The following ANKRD26 variants were observed in gnomAD, a reference collection of about 807,000 sequenced individuals.
ANKRD26 encodes the protein ankyrin repeat domain-containing protein 26.
In ANKRD26, 141 loss-of-function variants were observed where a neutral mutation model predicts 208.7. The ratio of observed to expected loss-of-function variants is 0.68; its 90% CI spans 0.59 to 0.78. ANKRD26 has a LOEUF of 0.78. Ranked by LOEUF, ANKRD26 falls within the 30% of genes least tolerant of loss-of-function variation. The pLI, the probability that ANKRD26 is intolerant of heterozygous loss-of-function variation, is 0.00. For synonymous variants in ANKRD26, 636 were observed against 660.4 expected (o/e 0.96, Z 0.57); for missense variants, 1,889 against 1,938.7 (o/e 0.97, Z 0.48).
chr10:27,011,901 C>G (rs773967650), intron 32 of ANKRD26, among the ~76,000 whole-genome samples: 4 of 152,176 alleles, frequency 2.6e-5, no homozygotes, highest in Non-Finnish European at 5.9e-5. Context: ...CTTGCTTTAA[C>G]TATTTAAAAA....
At chr10:27,029,424 T>C in intron 25 of ANKRD26, 68 bp from the exon 26 acceptor site, 1 of 1,466,380 alleles carries the variant, frequency 6.8e-7, no homozygotes, top group Non-Finnish European at 9.4e-7. Flanking sequence ...TTACCTGTTT[T>C]TGTAACTAAA....
the ANKRD26 span, among the ~76,000 whole-genome samples, chr10:26,965,778 T>C: frequency 6.6e-6 from 1 of 152,090 alleles, no homozygotes; most frequent in Non-Finnish European, 1.5e-5. Flanking sequence ...CTTAAACATA[T>C]TTACAAGGAA....
intron 9 of ANKRD26, among the ~76,000 whole-genome samples, chr10:27,072,849 T>C (rs56756357): frequency 6.6e-6 from 1 of 150,854 alleles, no homozygotes; most frequent in East Asian, 1.9e-4. Context: ...ACACAAAGGC[T>C]ATTTGTAATG....
At chr10:27,024,584 A>G in intron 27 of ANKRD26, 25 bp from the exon 28 acceptor site, 1 of 1,286,422 alleles carries the variant, frequency 7.8e-7, no homozygotes, top group Non-Finnish European at 1.1e-6. Flanking sequence ...ATTTTCAATT[A>G]CTTTTAAAAC....
chr10:27,038,101 A>G, intron 21 of ANKRD26, 47 bp from the exon 22 acceptor site: 1 of 1,522,998 alleles, frequency 6.6e-7, no homozygotes, highest in Non-Finnish European at 9.0e-7. Context: ...TTACAAAATA[A>G]AAAGTTCATT....
chr10:27,025,334 TAA>T (rs1490085588), intron 27 of ANKRD26, among the ~76,000 whole-genome samples: 13 of 152,012 alleles, frequency 8.6e-5, no homozygotes. Context: ...CCACATCGGC[TAA>T]TTTATTTCAT....
the ANKRD26 span, among the ~76,000 whole-genome samples, chr10:26,950,857 C>T: frequency 6.6e-6 from 1 of 152,068 alleles, no homozygotes; most frequent in Non-Finnish European, 1.5e-5. Context: ...AAATATAGAG[C>T]TTCAGTCTGA....
chr10:26,952,975 A>G, the ANKRD26 span, among the ~76,000 whole-genome samples: 3 of 152,230 alleles, frequency 2.0e-5, no homozygotes, highest in Non-Finnish European at 4.4e-5. Flanking sequence ...TGTAACTGAA[A>G]GTGACCAAGG....
chr10:27,071,293 G>A (rs1366273892), intron 9 of ANKRD26, among the ~76,000 whole-genome samples: 6 of 149,854 alleles, frequency 4.0e-5, no homozygotes, highest in African/African-American at 1.5e-4. Context: ...AGCCTCCCGA[G>A]GAGCTGGGAC....
At chr10:27,061,995 G>C (rs1161586612) in intron 12 of ANKRD26, 1 of 985,126 alleles carries the variant, frequency 1.0e-6, no homozygotes, top group African/African-American at 1.7e-5. Flanking sequence ...GTCTGTTTGA[G>C]TGTAAATGCA....
At chr10:27,027,507 C>G (rs1192420245) in intron 27 of ANKRD26, among the ~76,000 whole-genome samples, 1 of 152,062 alleles carries the variant, frequency 6.6e-6, no homozygotes, top group Admixed American at 6.6e-5. Context: ...AGAAATAATC[C>G]GAACGTCCAT....
intron 32 of ANKRD26, among the ~76,000 whole-genome samples, chr10:27,009,971 CAGT>C (rs1210751072): frequency 7.2e-5 from 11 of 152,056 alleles, no homozygotes; most frequent in Admixed American, 5.2e-4. Context: ...CTTTCATAAC[CAGT>C]AGTTTTCAAA....
chr10:26,954,926 C>T, the ANKRD26 span, among the ~76,000 whole-genome samples: 1 of 149,410 alleles, frequency 6.7e-6, no homozygotes, highest in Non-Finnish European at 1.5e-5. Flanking sequence ...CTATCAAATG[C>T]GGGATCTATA....
intron 22 of ANKRD26, 112 bp downstream of exon 22, chr10:27,037,759 T>G: frequency 1.6e-4 from 142 of 868,594 alleles, no homozygotes; most frequent in Middle Eastern, 6.9e-4. Context: ...CAGGTCAGCT[T>G]GAGATAACAG....
rs1157302018 is a variant in ANKRD26 at position 27,017,503 on chromosome 10, T to A, written c.4505A>T (p.Gln1502Leu). Residue 1502 changes from glutamine (Q) to leucine (L), a missense_variant and splice_region_variant, in exon 30 of 34, where the codon CAG (glutamine) becomes CTG (leucine). Around this residue, in one of 3 missense-constraint regions of ANKRD26, gnomAD observed 613 missense variants for 648.2 expected, o/e 0.95. Coordinates refer to ENST00000376087, the MANE Select transcript of ANKRD26 (RefSeq NM_014915.3). ...EKLKEVNLFL[Q>L]AQAASQENLE... ...AAGGCACACTACACATAAGCTAACC[T>A]GTAAAAATAGATTGACTTCTTTTAA... 1.2e-6 allele frequency: 2 copies of A among 1,613,290 alleles called. No homozygotes were observed. The highest frequency in any genetic ancestry group is 1.3e-5 in the African/African-American group (1 of 75,044).
At chr10:27,010,178 C>T (rs2053046678) in intron 32 of ANKRD26, among the ~76,000 whole-genome samples, 1 of 152,168 alleles carries the variant, frequency 6.6e-6, no homozygotes, top group East Asian at 1.9e-4. Flanking sequence ...ATGAAAGTCA[C>T]TTGACCTGAC....
At chr10:27,063,945 C>T in intron 12 of ANKRD26, 43 bp downstream of exon 12, 1 of 1,462,010 alleles carries the variant, frequency 6.8e-7, no homozygotes, top group East Asian at 2.3e-5. Context: ...TTTAAATAAA[C>T]ACTCTGTCCA....
chr10:27,020,559 A>T (rs2053452729), intron 29 of ANKRD26, among the ~76,000 whole-genome samples: 1 of 152,286 alleles, frequency 6.6e-6, no homozygotes, highest in Non-Finnish European at 1.5e-5. Context: ...TGAGAACCTT[A>T]GATATTTATC....
chr10:26,998,263 A>T (rs1307408842), intron 4 of ANKRD26, among the ~76,000 whole-genome samples: 1 of 152,234 alleles, frequency 6.6e-6, no homozygotes, highest in Non-Finnish European at 1.5e-5. Context: ...TAAAACATGT[A>T]AAATGATCTA....
Sources: gnomAD v4.1 joint callset for allele counts (sites outside exome capture counted in the v4.1 genomes callset) on GRCh38, gnomAD v4.1.1 for gene constraint, gnomAD v4.1.1 regional missense constraint, MANE v1.5 for transcripts, NCBI Gene and HGNC (gene_info 2026-07-23, HGNC 2026-07-21) for gene names.